The following PRXL2C variants were observed in gnomAD, a reference collection of about 807,000 sequenced individuals.
PRXL2C encodes peroxiredoxin-like 2C.
Under a neutral mutation model 24.9 loss-of-function variants are expected in PRXL2C, and 38 were observed. The observed-to-expected ratio is 1.53, with a 90% CI of 1.18 to 2.00. The LOEUF is 2.00. Ranked by LOEUF, PRXL2C falls within the 30% of genes most tolerant of loss-of-function variation. PRXL2C has a pLI of 0.00. For synonymous variants in PRXL2C, 98 were observed against 117.2 expected (o/e 0.84, Z 1.06); for missense variants, 294 against 290.9 (o/e 1.01, Z -0.08).
intron 2 of PRXL2C, among the ~76,000 whole-genome samples, chr9:96,651,978 T>C (rs2119189960): frequency 6.6e-6 from 1 of 152,302 alleles, no homozygotes; most frequent in Admixed American, 6.5e-5. Context: ...ACAAAACTGC[T>C]ACATGACATG....
intron 2 of PRXL2C, 62 bp downstream of exon 2, chr9:96,654,643 C>T: frequency 1.3e-6 from 2 of 1,495,050 alleles, no homozygotes; most frequent in South Asian, 1.2e-5. Flanking sequence ...CCGCGTCCTC[C>T]CCCGCCCCGC....
At chr9:96,642,361 T>C (rs1406614499) in intron 5 of PRXL2C, among the ~76,000 whole-genome samples, 1 of 152,174 alleles carries the variant, frequency 6.6e-6, no homozygotes, top group Non-Finnish European at 1.5e-5. Context: ...AAAGAGGCTC[T>C]AAAATAAGGC....
At chr9:96,647,140 TACTGAG>T (rs1295152224) in intron 4 of PRXL2C, among the ~76,000 whole-genome samples, 2 of 152,198 alleles carry the variant, frequency 1.3e-5, no homozygotes, top group African/African-American at 4.8e-5. Context: ...CATGTCATGC[TACTGAG>T]ACATGGGGGC....
intron 5 of PRXL2C, among the ~76,000 whole-genome samples, chr9:96,645,641 T>C (rs10978446): frequency 1.3e-5 from 2 of 151,336 alleles, no homozygotes; most frequent in Admixed American, 6.6e-5. Context: ...ACTAAAAATT[T>C]AAAAAATTAG....
At chr9:96,643,794 C>G (rs1247856944) in intron 5 of PRXL2C, among the ~76,000 whole-genome samples, 1 of 151,924 alleles carries the variant, frequency 6.6e-6, no homozygotes, top group East Asian at 1.9e-4. Flanking sequence ...GTTCCAGCTG[C>G]AAAAAGCCCA....
chr9:96,642,820 G>T (rs1317657577), intron 5 of PRXL2C, among the ~76,000 whole-genome samples: 2 of 152,144 alleles, frequency 1.3e-5, no homozygotes, highest in Non-Finnish European at 1.5e-5. Context: ...TGGGATTACA[G>T]GTGTAAGCCA....
At chr9:96,649,429 T>TG (rs1848239293) in intron 4 of PRXL2C, among the ~76,000 whole-genome samples, 1 of 125,268 alleles carries the variant, frequency 8.0e-6, no homozygotes. Context: ...CAGGGCATGG[T>TG]GGTGCATGCC....
chr9:96,649,679 A>T (rs112965496), intron 4 of PRXL2C, among the ~76,000 whole-genome samples: 4 of 151,754 alleles, frequency 2.6e-5, no homozygotes, highest in Non-Finnish European at 5.9e-5. Context: ...AAGCCTTGTC[A>T]TTTCTTTCTA....
chr9:96,655,197 G>T lies in PRXL2C; in HGVS notation c.85C>A (p.Pro29Thr). 8.4e-7 allele frequency: 1 copy of T among 1,192,092 alleles called. No homozygotes were observed. Among genetic ancestry groups the T allele is most frequent in the Non-Finnish European group, 1.0e-6 (1 of 964,326 alleles). The allele number at this position is 1,192,092 out of a possible 1,614,324, so 73.8% of individuals were successfully genotyped here. A position where few individuals can be genotyped will look rare whatever the true frequency, so the allele number is the denominator to read the frequency against. Residue 29 changes from proline (P) to threonine (T), a missense_variant, in exon 1 of 6, where the codon CCC becomes ACC. By Grantham distance (38) the Pro-to-Thr change is conservative. Coordinates refer to ENST00000375234, the MANE Select transcript of PRXL2C (RefSeq NM_153698.2). ...PAPSGPDSGQ[P>T]LAAAVAELPV... ...AGCTCGGCCACGGCGGCCGCCAGGG[G>T]CTGCCCGCTGTCGGGGCCGCTCGGG...
chr9:96,654,320 C>G (rs1190519308), intron 2 of PRXL2C, among the ~76,000 whole-genome samples: 1 of 152,132 alleles, frequency 6.6e-6, no homozygotes, highest in Non-Finnish European at 1.5e-5. Flanking sequence ...AACTTGCAGC[C>G]TATTAACATA....
chr9:96,651,672 T>C lies in PRXL2C; in HGVS notation c.302A>G (p.Tyr101Cys). 1 of 1,610,702 alleles carries C rather than the reference T, an allele frequency of 6.2e-7. No individual in the cohort carries two copies. The highest frequency in any genetic ancestry group is 1.7e-5 in the Admixed American group (1 of 59,868). Residue 101 changes from tyrosine (Y) to cysteine (C), a missense_variant, in exon 3 of 6, where the codon TAC (tyrosine) becomes TGC (cysteine). Transcript: ENST00000375234. ...VTLIVIGQSS[Y>C]HHIEPFCKLT... is the part of the protein sequence containing the mutation. The stretch of plus-strand genomic sequence containing the variant: ...CTAGATATTTACCTCAATATGATGG[T>C]AGGATGACTGTCCAATCACTATAAG...
chr9:96,652,291 C>G (rs893425409), intron 2 of PRXL2C, among the ~76,000 whole-genome samples: 2 of 152,038 alleles, frequency 1.3e-5, no homozygotes, highest in African/African-American at 4.8e-5. Context: ...TTTGCCAAGT[C>G]AGGTGGATCA....
intron 2 of PRXL2C, among the ~76,000 whole-genome samples, chr9:96,653,176 G>A (rs1408825732): frequency 6.6e-6 from 1 of 151,518 alleles, no homozygotes; most frequent in Non-Finnish European, 1.5e-5. Flanking sequence ...GCAGTGAGCT[G>A]AGATCGCGCC....
Position 96,655,170 on chromosome 9 carries a change from G to T in PRXL2C, c.112C>A (p.Pro38Thr). 8.1e-7 allele frequency: 1 copy of T among 1,235,572 alleles called. No individual in the cohort carries two copies. 76.5% of individuals were successfully genotyped at this position (1,235,572 alleles called of 1,614,324 possible). Reference sequence around the variant, plus strand: ...CGCTGCCCGCGGGCGTCCAGCACCGGCAGCTCGGCCACGGCGGCCGCCAGG... The same window carrying T: ...CGCTGCCCGCGGGCGTCCAGCACCGTCAGCTCGGCCACGGCGGCCGCCAGG... ...QPLAAAVAEL[P>T]VLDARGQRVP... is the part of the protein sequence containing the mutation. The change falls in exon 1 of 6, where the codon CCG (proline) becomes ACG (threonine). Residue 38 changes from proline (P) to threonine (T), a missense_variant. Physicochemically the swap from Pro to Thr is conservative, Grantham distance 38. Transcript: ENST00000375234.
intron 5 of PRXL2C, among the ~76,000 whole-genome samples, chr9:96,644,642 C>T (rs1300635523): frequency 2.0e-5 from 3 of 151,972 alleles, no homozygotes; most frequent in Admixed American, 6.6e-5. Flanking sequence ...TGCACCACCA[C>T]GCCCGGCTAA....
At chr9:96,654,348 G>A (rs889897194) in intron 2 of PRXL2C, among the ~76,000 whole-genome samples, 7 of 152,138 alleles carry the variant, frequency 4.6e-5, no homozygotes, top group African/African-American at 1.7e-4. Flanking sequence ...GCACCTTTAC[G>A]ATATATTAGT....
chr9:96,645,993 G>C lies in PRXL2C; in HGVS notation c.453C>G (p.Leu151=). 3 of 1,612,730 alleles carry C rather than the reference G, an allele frequency of 1.9e-6. No individual in the cohort carries two copies. The highest frequency in any genetic ancestry group is 2.5e-6 in the Non-Finnish European group (3 of 1,179,650). ...GCCACAGGCTCTGAAGGCTTCCTGA[G>C]AGTAGATTTGATTTTATGTGGGGGC... is the stretch of plus-strand genomic sequence containing the variant. ...GQSPHIKSNL[L]SGSLQSLWRA... Residue 151 remains leucine (L), a synonymous_variant, in exon 5 of 6, where the codon CTC becomes CTG. Coordinates refer to ENST00000375234, the MANE Select transcript of PRXL2C (RefSeq NM_153698.2).
chr9:96,649,330 C>T (rs555754503), intron 4 of PRXL2C, among the ~76,000 whole-genome samples: 18 of 149,870 alleles, frequency 1.2e-4, no homozygotes, highest in Admixed American at 7.3e-4. Context: ...TTTGGGAGGC[C>T]GAGGTGGGTG....
chr9:96,655,246 G>A lies in PRXL2C; in HGVS notation c.36C>T (p.Ser12=), dbSNP rs1277621682. The change falls in exon 1 of 6, where the codon AGC becomes AGT. Residue 12 remains serine, a synonymous_variant. Coordinates refer to ENST00000375234, the MANE Select transcript of PRXL2C (RefSeq NM_153698.2). ...GGGCCGGGACCAGGGCGGCGGCGCC[G>A]CTAACCTGCCGCGTGACCGGGGCCG... ...AAPAPVTRQV[S]GAAALVPAPS... 1.8e-6 allele frequency: 2 copies of A among 1,121,310 alleles called. No individual in the cohort carries two copies. Among genetic ancestry groups the A allele is most frequent in the East Asian group, 5.0e-5 (1 of 19,968 alleles). The allele number at this position is 1,121,310 out of a possible 1,614,324, so 69.5% of individuals were successfully genotyped here. A position where few individuals can be genotyped will look rare whatever the true frequency, so the allele number is the denominator to read the frequency against.
Sources: gnomAD v4.1 joint callset for allele counts (sites outside exome capture counted in the v4.1 genomes callset) on GRCh38, gnomAD v4.1.1 for gene constraint, MANE v1.5 for transcripts, NCBI Gene and HGNC (gene_info 2026-07-23, HGNC 2026-07-21) for gene names.